Variants in TMOD3 observed in about 807,000 individuals in gnomAD.
TMOD3 encodes tropomodulin 3.
A neutral mutation model predicts 39.2 loss-of-function variants in TMOD3; 20 were observed. The ratio of observed to expected loss-of-function variants is 0.51; its 90% CI spans 0.36 to 0.74. TMOD3 has a LOEUF of 0.74. TMOD3 is among the 30% of genes least tolerant of loss of function. The pLI is 0.00. For missense variants in TMOD3, 381 were observed against 412.8 expected (o/e 0.92, Z 0.67); for synonymous variants, 143 against 145.8 (o/e 0.98, Z 0.14).
intron 1 of TMOD3, among the ~76,000 whole-genome samples, chr15:51,852,083 G>A (rs2056364938): frequency 6.6e-6 from 1 of 152,164 alleles, no homozygotes; most frequent in South Asian, 2.1e-4. Context: ...TTGTCTGTAT[G>A]CCACTTTTAA....
Position 51,893,962 on chromosome 15 carries a change from G to A in TMOD3, c.627+17G>A, listed in dbSNP as rs775182300. On this transcript the variant is annotated intron_variant, in intron 6 of 9. Coordinates refer to ENST00000308580, the MANE Select transcript of TMOD3 (RefSeq NM_014547.5). ...AATATAAAGGTAAGTGTGCTAATCA[G>A]AGTGGTTTTGTATTGCTTTGAGTTA... 7.1e-6 allele frequency: 11 copies of A among 1,538,676 alleles called. No individual in the cohort carries two copies. The South Asian group carries it at 1.1e-4, about 16-fold the overall frequency.
At chr15:51,881,550 CTTTTTTT>C (rs753814979) in intron 3 of TMOD3, among the ~76,000 whole-genome samples, 182 of 61,824 alleles carry the variant, frequency 2.9e-3, no homozygotes, top group Middle Eastern at 0.018. Context: ...TTCTTTATTT[CTTTTTTT>C]TTTTTTTTTT....
intron 3 of TMOD3, among the ~76,000 whole-genome samples, chr15:51,872,245 T>C (rs1172682676): frequency 2.0e-5 from 3 of 151,902 alleles, no homozygotes; most frequent in Non-Finnish European, 2.9e-5. Context: ...AAATACAAAA[T>C]AGCTGGGCAT....
chr15:51,898,208 CT>C lies in TMOD3; in HGVS notation c.735+1684del, dbSNP rs1260337451. Among the ~76,000 whole-genome samples, 5 of 152,334 alleles carry C rather than the reference CT, an allele frequency of 3.3e-5. No individual in the cohort carries two copies. The East Asian group carries it at 9.6e-4, about 29-fold the overall frequency. On this transcript the variant is annotated intron_variant, in intron 7 of 9. Coordinates refer to ENST00000308580, the MANE Select transcript of TMOD3 (RefSeq NM_014547.5). ...CATTCTACTCTAGCCATACAGCCTT[CT>C]TCAGCATGCCATGTGGACTCCCAAA...
At chr15:51,846,799 C>CT (rs1378321910) in intron 1 of TMOD3, among the ~76,000 whole-genome samples, 2 of 151,934 alleles carry the variant, frequency 1.3e-5, no homozygotes, top group Non-Finnish European at 2.9e-5. Context: ...GATGTCATTT[C>CT]TTTTTTTTAA....
At chr15:51,833,646 T>C (rs2056267050) in intron 1 of TMOD3, among the ~76,000 whole-genome samples, 1 of 152,234 alleles carries the variant, frequency 6.6e-6, no homozygotes, top group Non-Finnish European at 1.5e-5. Context: ...GTTTGGCTTC[T>C]TTCATGTAAG....
intron 1 of TMOD3, among the ~76,000 whole-genome samples, chr15:51,861,765 C>T (rs1241021786): frequency 6.6e-6 from 1 of 151,742 alleles, no homozygotes; most frequent in Non-Finnish European, 1.5e-5. Flanking sequence ...TGAAGCCATC[C>T]TCCCATCTCA....
At chr15:51,835,589 G>A (rs1479637945) in intron 1 of TMOD3, among the ~76,000 whole-genome samples, 4 of 152,152 alleles carry the variant, frequency 2.6e-5, no homozygotes, top group South Asian at 2.1e-4. Context: ...GATTACAGGC[G>A]TGAGCCACCA....
intron 9 of TMOD3, among the ~76,000 whole-genome samples, chr15:51,906,893 G>A (rs2056684318): frequency 6.6e-6 from 1 of 152,022 alleles, no homozygotes; most frequent in Non-Finnish European, 1.5e-5. Context: ...GGTGTTGCAT[G>A]CCTGTAATCC....
intron 6 of TMOD3, among the ~76,000 whole-genome samples, chr15:51,894,332 C>G (rs2056610336): frequency 6.6e-6 from 1 of 152,104 alleles, no homozygotes; most frequent in Admixed American, 6.5e-5. Flanking sequence ...TGGAGGATGG[C>G]TTGAGCCCAA....
intron 1 of TMOD3, among the ~76,000 whole-genome samples, chr15:51,839,951 C>A (rs1339794554): frequency 1.3e-5 from 2 of 152,166 alleles, no homozygotes; most frequent in African/African-American, 4.8e-5. Context: ...AAACCAAGTT[C>A]TCACATCATT....
chr15:51,841,198 ATTCCT>A (rs2056311214), intron 1 of TMOD3, among the ~76,000 whole-genome samples: 1 of 152,196 alleles, frequency 6.6e-6, no homozygotes, highest in Non-Finnish European at 1.5e-5. Context: ...ACAAAAATTG[ATTCCT>A]TTCTTTTTCA....
rs566722714 is a variant in TMOD3 at position 51,854,878 on chromosome 15, C to T, written c.-74-7933C>T. ...GAAAGCTAAAATTTAAAACTCTTAG[C>T]AAAATGAGATTGCTGAGATTCCATT... On this transcript the variant is annotated intron_variant, in intron 1 of 9. Coordinates refer to ENST00000308580, the MANE Select transcript of TMOD3 (RefSeq NM_014547.5). 2.6e-4 allele frequency among the ~76,000 whole-genome samples: 39 copies of T among 152,138 alleles called. 1 individual carries two copies. In the East Asian group the frequency reaches 6.9e-3, roughly 27 times the overall value.
rs1274917645 is a variant in TMOD3 at position 51,832,223 on chromosome 15, A to ATT, written c.-75+2388_-75+2389insTT. On this transcript the variant is annotated intron_variant, in intron 1 of 9. Coordinates refer to ENST00000308580, the MANE Select transcript of TMOD3 (RefSeq NM_014547.5). The stretch of plus-strand genomic sequence containing the variant: ...AAAAATTATATATATATATATATAT[A>ATT]TATATATATGAATGACATGGTTCCT... Among the ~76,000 whole-genome samples the ATT allele has an allele frequency of 1.5e-5, 2 of 135,472 alleles. 1 individual carries two copies. Among genetic ancestry groups the ATT allele is most frequent in the Non-Finnish European group, 3.2e-5 (2 of 62,468 alleles). 88.9% of individuals were successfully genotyped at this position (135,472 alleles called of 152,430 possible).
intron 3 of TMOD3, among the ~76,000 whole-genome samples, chr15:51,873,304 G>C (rs1053554579): frequency 3.9e-5 from 6 of 152,146 alleles, no homozygotes; most frequent in African/African-American, 1.4e-4. Flanking sequence ...CTATGACTCT[G>C]CCCTGAACAC....
chr15:51,875,630 T>C (rs1031529729), intron 3 of TMOD3, among the ~76,000 whole-genome samples: 6 of 150,056 alleles, frequency 4.0e-5, no homozygotes, highest in South Asian at 2.2e-4. Context: ...TTTTTTTTTT[T>C]CCTGAGACAG....
chr15:51,836,232 A>G (rs913259462), intron 1 of TMOD3, among the ~76,000 whole-genome samples: 1 of 152,098 alleles, frequency 6.6e-6, no homozygotes, highest in Admixed American at 6.6e-5. Flanking sequence ...CATCACCACC[A>G]TTTTAGAACA....
rs541167336 is a variant in TMOD3, at chr15:51,865,953, TC to T, written c.126+2950del. On this transcript the variant is annotated intron_variant, in intron 2 of 9. Coordinates refer to ENST00000308580, the MANE Select transcript of TMOD3 (RefSeq NM_014547.5). Reference sequence around the variant, plus strand: ...CAGCCAGCCTAGGAAGAGCTTTTTTTCCCCCCCAAGGCTAGGAATATATTTT... The same window carrying T: ...CAGCCAGCCTAGGAAGAGCTTTTTTTCCCCCCAAGGCTAGGAATATATTTT... Among the ~76,000 whole-genome samples the T allele has an allele frequency of 5.5e-4, 83 of 152,046 alleles. 1 individual carries two copies. In the South Asian group the frequency reaches 5.8e-3, roughly 11 times the overall value.
At chr15:51,876,513 G>T (rs192135759) in intron 3 of TMOD3, among the ~76,000 whole-genome samples, 5,439 of 149,858 alleles carry the variant, frequency 0.036, 126 homozygotes, top group Non-Finnish European at 0.05. Flanking sequence ...CCAGGCTGGA[G>T]TGCAGTGGTG....
Sources: allele counts gnomAD v4.1 joint callset (sites outside exome capture counted in the v4.1 genomes callset), GRCh38; gene constraint gnomAD v4.1.1; transcripts MANE v1.5; gene names NCBI Gene and HGNC (gene_info 2026-07-23, HGNC 2026-07-21).